The following AKAP12 variants were observed in gnomAD, a reference collection of about 807,000 sequenced individuals.
AKAP12 encodes A-kinase anchor protein 12.
Under a neutral mutation model 79.9 loss-of-function variants are expected in AKAP12, and 32 were observed. The ratio of observed to expected loss-of-function variants is 0.40; its 90% confidence interval spans 0.30 to 0.54. The LOEUF (loss-of-function observed/expected upper bound fraction) is 0.54. Among genes scored for constraint, AKAP12 ranks in the 20% least tolerant of loss-of-function variants. The pLI, the probability that AKAP12 is intolerant of heterozygous loss-of-function variation, is 0.48. For missense variants in AKAP12, 2,074 were observed against 2,177.0 expected (o/e 0.95, Z 0.94); for synonymous variants, 808 against 857.0 (o/e 0.94, Z 1.00).
At chr6:151,322,760 T>TGTCCACCACCCACTCCCGCCACTGGGC (rs1777429623) in intron 3 of AKAP12, among the ~76,000 whole-genome samples, 1 of 145,084 alleles carries the variant, frequency 6.9e-6, no homozygotes, top group African/African-American at 2.8e-5. Context: ...TGCCACTGGG[T>TGTCCACCACCCACTCCCGCCACTGGGC]GTGTGCACCA....
Position 151,333,929 on chromosome 6 carries a change from C to T in AKAP12, c.320-14782C>T, listed in dbSNP as rs575619940. 3.3e-5 allele frequency among the ~76,000 whole-genome samples: 5 copies of T among 151,810 alleles called. No homozygotes were observed. In the East Asian group the frequency reaches 9.7e-4, roughly 30 times the overall value. ...GAGGAGGTGAGGAGGGGGAGGTCAG[C>T]ACAGGAAGAAGGGTCCTGGCCACCT... On this transcript the variant is annotated intron_variant, in intron 3 of 4. Transcript: ENST00000402676.
intron 2 of AKAP12, among the ~76,000 whole-genome samples, chr6:151,263,468 C>G (rs1229230249): frequency 6.6e-6 from 1 of 152,210 alleles, no homozygotes; most frequent in South Asian, 2.1e-4. Context: ...ACTCTGTATC[C>G]ATGCAAAACT....
chr6:151,306,250 G>C (rs56231644), intron 3 of AKAP12, among the ~76,000 whole-genome samples: 1 of 152,162 alleles, frequency 6.6e-6, no homozygotes, highest in Non-Finnish European at 1.5e-5. Flanking sequence ...TGCTATACTT[G>C]TACAACTCTT....
At chr6:151,315,565 T>TC (rs1225306399) in intron 3 of AKAP12, among the ~76,000 whole-genome samples, 1 of 152,148 alleles carries the variant, frequency 6.6e-6, no homozygotes, top group African/African-American at 2.4e-5. Flanking sequence ...GGAATGAAAA[T>TC]CTTTTAGGCA....
intron 3 of AKAP12, among the ~76,000 whole-genome samples, chr6:151,339,424 G>GT: frequency 6.6e-6 from 1 of 152,200 alleles, no homozygotes; most frequent in Non-Finnish European, 1.5e-5. Context: ...TAAAAAGACT[G>GT]TTTTTAAGAG....
chr6:151,244,175 G>T (rs1562703557), intron 2 of AKAP12, among the ~76,000 whole-genome samples: 1 of 152,144 alleles, frequency 6.6e-6, no homozygotes. Context: ...TACTCGAATA[G>T]AAGAGTCCGT....
At chr6:151,245,454 C>T (rs560522715) in intron 2 of AKAP12, among the ~76,000 whole-genome samples, 1 of 151,900 alleles carries the variant, frequency 6.6e-6, no homozygotes, top group Admixed American at 6.6e-5. Context: ...CACCACCACG[C>T]CCAGCTAAGT....
rs778643377 is a variant in AKAP12 at position 151,352,044 on chromosome 6, AAG to A, written c.3658_3659del (p.Arg1220AlafsTer14). ...GAAGCAGAGGCAGTTCCTGCACAGA[AAG>A]AGAGGCCTCCAGCACCTTCCAGTTT... On this transcript the variant is annotated frameshift_variant, in exon 4 of 5. Transcript: ENST00000402676. LOFTEE classifies it low-confidence loss of function (END_TRUNC). 1 of 1,614,142 alleles carries A rather than the reference AAG, an allele frequency of 6.2e-7. No homozygotes were observed. The highest frequency in any genetic ancestry group is 8.5e-7 in the Non-Finnish European group (1 of 1,180,036).
intron 3 of AKAP12, among the ~76,000 whole-genome samples, chr6:151,317,361 G>A (rs1777260361): frequency 1.3e-5 from 2 of 152,118 alleles, no homozygotes; most frequent in African/African-American, 4.8e-5. Flanking sequence ...TTTCCACATG[G>A]CAGCCCTCTA....
In AKAP12 at chr6:151,349,165, T is replaced by A; in HGVS notation, c.774T>A (p.Ser258=). The change falls in exon 4 of 5, where the codon TCT becomes TCA. Residue 258 remains serine (S), a synonymous_variant. Coordinates refer to ENST00000402676, the MANE Select transcript of AKAP12 (RefSeq NM_005100.4). The part of the protein sequence containing the change: ...SHAEISPPAE[S]GQAVEECKEE... The stretch of plus-strand genomic sequence containing the variant: ...CAGAAATTTCTCCCCCAGCCGAATC[T>A]GGCCAAGCAGTGGAGGAATGCAAAG... The A allele has an allele frequency of 6.2e-7, 1 of 1,613,614 alleles. No homozygotes were observed. The highest frequency in any genetic ancestry group is 8.5e-7 in the Non-Finnish European group (1 of 1,180,014).
At chr6:151,321,363 T>A (rs1382455340) in intron 3 of AKAP12, among the ~76,000 whole-genome samples, 1 of 152,208 alleles carries the variant, frequency 6.6e-6, no homozygotes, top group Non-Finnish European at 1.5e-5. Context: ...ACCCCCAGTC[T>A]TAGGTAACCA....
rs919524548 is a variant in AKAP12, at chr6:151,348,706, A to T, written c.320-5A>T. ...CCCCACCCCCCCGCCCCTTTTTGTT[A>T]ATAGTTGGACAGAGAGACTCTGAAG... On this transcript the variant is annotated splice_polypyrimidine_tract_variant and splice_region_variant and intron_variant, in intron 3 of 4. Coordinates refer to ENST00000402676, the MANE Select transcript of AKAP12 (RefSeq NM_005100.4). The T allele has an allele frequency of 1.6e-5, 8 of 501,516 alleles. No homozygotes were observed. Among genetic ancestry groups the T allele is most frequent in the Middle Eastern group, 4.5e-4 (1 of 2,202 alleles). 31.1% of individuals were successfully genotyped at this position (501,516 alleles called of 1,614,324 possible).
At chr6:151,288,253 G>A (rs951369362) in intron 2 of AKAP12, among the ~76,000 whole-genome samples, 7 of 151,610 alleles carry the variant, frequency 4.6e-5, no homozygotes, top group Non-Finnish European at 8.8e-5. Flanking sequence ...AGTGGCCCAT[G>A]CTGGTAATCC....
intron 3 of AKAP12, among the ~76,000 whole-genome samples, chr6:151,332,503 T>C (rs556589137): frequency 2.0e-4 from 31 of 152,326 alleles, no homozygotes; most frequent in African/African-American, 6.5e-4. Flanking sequence ...AGCATGTGAT[T>C]AGGTGTCTCC....
At chr6:151,347,279 G>A (rs904042828) in intron 3 of AKAP12, among the ~76,000 whole-genome samples, 10 of 152,190 alleles carry the variant, frequency 6.6e-5, no homozygotes, top group Non-Finnish European at 1.2e-4. Context: ...AAAGAGCTCT[G>A]GTCCCTTTTG....
intron 2 of AKAP12, among the ~76,000 whole-genome samples, chr6:151,300,012 C>T (rs1219376246): frequency 1.3e-5 from 2 of 152,088 alleles, no homozygotes; most frequent in Non-Finnish European, 2.9e-5. Context: ...AATGGGTTTG[C>T]GTATTTAAAA....
chr6:151,264,766 AAAAT>A (rs1380724755), intron 2 of AKAP12, among the ~76,000 whole-genome samples: 1 of 152,170 alleles, frequency 6.6e-6, no homozygotes, highest in East Asian at 1.9e-4. Context: ...GTTTTTGACA[AAAAT>A]AAATTAATTT....
In AKAP12 at chr6:151,351,035, AAGG is replaced by A; in HGVS notation, c.2647_2649del (p.Glu883del). ...GCAGAAGGCAGCCACTGAGGTGTCC[AAGG>A]AGCTCAGCGAGAGTCAGGTTCATAT... is the stretch of plus-strand genomic sequence containing the variant. On this transcript the variant is annotated inframe_deletion, in exon 4 of 5. Transcript: ENST00000402676. The surrounding 1 kb of genome is among the most constrained non-coding windows in gnomAD (Gnocchi z 4.4). 1.2e-6 allele frequency: 2 copies of A among 1,614,156 alleles called. No individual in the cohort carries two copies. The highest frequency in any genetic ancestry group is 1.7e-6 in the Non-Finnish European group (2 of 1,180,022).
chr6:151,318,828 A>G (rs1393545223), intron 3 of AKAP12, among the ~76,000 whole-genome samples: 1 of 152,184 alleles, frequency 6.6e-6, no homozygotes, highest in Non-Finnish European at 1.5e-5. Context: ...CTGTAGTTCC[A>G]GCTACTCCAG....
Sources: gnomAD v4.1 joint callset for allele counts (sites outside exome capture counted in the v4.1 genomes callset) on GRCh38, gnomAD v4.1.1 for gene constraint, Gnocchi (gnomAD v3.1) non-coding constraint, MANE v1.5 for transcripts, NCBI Gene and HGNC (gene_info 2026-07-23, HGNC 2026-07-21) for gene names.